The following TMPRSS11A variants were observed in gnomAD, a reference collection of about 807,000 sequenced individuals.
TMPRSS11A encodes the protein transmembrane protease serine 11A.
Under a neutral mutation model 58.9 loss-of-function variants are expected in TMPRSS11A, and 53 were observed. The observed-to-expected ratio is 0.90, with a 90% CI of 0.72 to 1.13. The LOEUF is 1.13. TMPRSS11A is among the 50% of genes most tolerant of loss of function. The pLI, the probability that TMPRSS11A is intolerant of heterozygous loss-of-function variation, is 0.00. For missense variants in TMPRSS11A, 493 were observed against 499.3 expected, an observed-to-expected ratio of 0.99 and a Z score of 0.12; for synonymous variants, 167 against 169.8, an observed-to-expected ratio of 0.98 and a Z score of 0.13.
chr4:67,923,197 C>T (rs1720378304), intron 6 of TMPRSS11A, among the ~76,000 whole-genome samples: 1 of 152,160 alleles, frequency 6.6e-6, no homozygotes, highest in Admixed American at 6.5e-5. Flanking sequence ...TTTCATACTT[C>T]CTGATTTATT....
intron 1 of TMPRSS11A, among the ~76,000 whole-genome samples, chr4:67,959,762 G>C (rs1356786528): frequency 6.6e-6 from 1 of 152,172 alleles, no homozygotes; most frequent in African/African-American, 2.4e-5. Flanking sequence ...AAAGCAGTTT[G>C]GAGATTTCTC....
At chr4:67,911,945 A>C (rs1488886960) in intron 9 of TMPRSS11A, among the ~76,000 whole-genome samples, 1 of 152,134 alleles carries the variant, frequency 6.6e-6, no homozygotes, top group Non-Finnish European at 1.5e-5. Context: ...TTAGGGATTT[A>C]GTTGTTTTAC....
At chr4:67,944,423 C>A in intron 3 of TMPRSS11A, 96 bp downstream of exon 3, 1 of 1,371,636 alleles carries the variant, frequency 7.3e-7, no homozygotes. Context: ...CTAATGTTGG[C>A]GGTCTGAAAA....
At chr4:67,932,875 C>CT (rs1314936994) in intron 3 of TMPRSS11A, among the ~76,000 whole-genome samples, 1 of 152,078 alleles carries the variant, frequency 6.6e-6, no homozygotes, top group African/African-American at 2.4e-5. Flanking sequence ...AAAGCCACTG[C>CT]TTTTAGTCCA....
intron 3 of TMPRSS11A, among the ~76,000 whole-genome samples, chr4:67,938,905 G>A (rs1220308198): frequency 7.2e-6 from 1 of 139,034 alleles, no homozygotes; most frequent in Non-Finnish European, 1.5e-5. Flanking sequence ...TTTTTTTTTT[G>A]TACCATATGA....
intron 8 of TMPRSS11A, among the ~76,000 whole-genome samples, chr4:67,915,730 CAGCA>C (rs1177548093): frequency 6.6e-6 from 1 of 152,152 alleles, no homozygotes; most frequent in Non-Finnish European, 1.5e-5. Context: ...GGAATTCTGC[CAGCA>C]AACCTTGAGG....
chr4:67,951,174 A>C (rs536031613), intron 1 of TMPRSS11A, among the ~76,000 whole-genome samples: 1 of 152,346 alleles, frequency 6.6e-6, no homozygotes, highest in East Asian at 1.9e-4. Flanking sequence ...TTAGACCTTC[A>C]TTCAGTTTGA....
At position 67,929,888 on chromosome 4, in the gene TMPRSS11A, T is replaced by C. The variant is rs1720566360; in HGVS notation, c.473A>G (p.Gln158Arg). The change falls in exon 5 of 10, where the codon CAA becomes CGA. Residue 158 changes from glutamine (Q) to arginine (R), a missense_variant. Physicochemically the swap from Gln to Arg is conservative, Grantham distance 43. Transcript: ENST00000508048. ...RALPINASSVQVNAMSSSTGE... is the reference protein window; with the variant it reads ...RALPINASSVRVNAMSSSTGE... ...GAAGGGGACCTCCTTACCATTAACT[T>C]GAACTGATGAGGCATTTATTGGCAA... 2 of 1,610,506 alleles carry C rather than the reference T, an allele frequency of 1.2e-6. No individual in the cohort carries two copies.
intron 5 of TMPRSS11A, among the ~76,000 whole-genome samples, chr4:67,929,364 C>A (rs916223953): frequency 2.0e-5 from 3 of 152,088 alleles, no homozygotes; most frequent in Non-Finnish European, 4.4e-5. Context: ...GTGATGTTTT[C>A]CTAGACTGTG....
intron 7 of TMPRSS11A, among the ~76,000 whole-genome samples, chr4:67,920,094 G>C (rs1355052936): frequency 6.6e-6 from 1 of 152,134 alleles, no homozygotes; most frequent in Non-Finnish European, 1.5e-5. Context: ...AGTCCTTTGA[G>C]AGATGATCAA....
intron 1 of TMPRSS11A, among the ~76,000 whole-genome samples, chr4:67,960,710 A>G (rs1721401845): frequency 6.6e-6 from 1 of 152,192 alleles, no homozygotes; most frequent in Non-Finnish European, 1.5e-5. Context: ...TATATTAGGA[A>G]TTGCTCATGG....
chr4:67,954,924 CTACA>C, intron 1 of TMPRSS11A, among the ~76,000 whole-genome samples: 1 of 152,214 alleles, frequency 6.6e-6, no homozygotes, highest in African/African-American at 2.4e-5. Flanking sequence ...TAAATGTAAC[CTACA>C]TAGAGTAAAT....
chr4:67,934,235 A>T (rs1720698756), intron 3 of TMPRSS11A, among the ~76,000 whole-genome samples: 1 of 152,212 alleles, frequency 6.6e-6, no homozygotes, highest in African/African-American at 2.4e-5. Context: ...AATGGGGCAG[A>T]GGGACTGGTA....
At chr4:67,950,854 G>A (rs982154195) in intron 1 of TMPRSS11A, among the ~76,000 whole-genome samples, 1 of 152,208 alleles carries the variant, frequency 6.6e-6, no homozygotes, top group Admixed American at 6.5e-5. Flanking sequence ...AATTAAAATA[G>A]GAAGAAAGCT....
intron 9 of TMPRSS11A, 83 bp downstream of exon 9, chr4:67,914,505 T>A (rs1024743851): frequency 3.1e-6 from 4 of 1,297,508 alleles, no homozygotes; most frequent in South Asian, 1.3e-5. Context: ...CTATGTTTTG[T>A]CCTTATGTAA....
At chr4:67,950,757 G>T (rs1721135832) in intron 1 of TMPRSS11A, among the ~76,000 whole-genome samples, 1 of 152,198 alleles carries the variant, frequency 6.6e-6, no homozygotes, top group Non-Finnish European at 1.5e-5. Flanking sequence ...GATGAGAAGG[G>T]AATTTTATGG....
chr4:67,955,511 A>T (rs1378211529), intron 1 of TMPRSS11A, among the ~76,000 whole-genome samples: 3 of 152,206 alleles, frequency 2.0e-5, no homozygotes, highest in Non-Finnish European at 4.4e-5. Context: ...TTGTATTCAA[A>T]TGCCTGTGTC....
At chr4:67,931,662 C>T (rs353176) in intron 4 of TMPRSS11A, among the ~76,000 whole-genome samples, 70,676 of 152,018 alleles carry the variant, frequency 0.46, 17,042 homozygotes, top group African/African-American at 0.58. Context: ...GTGCATGCAA[C>T]GACAAGCTGC....
intron 5 of TMPRSS11A, among the ~76,000 whole-genome samples, chr4:67,925,532 C>G (rs552412924): frequency 6.6e-6 from 1 of 152,162 alleles, no homozygotes; most frequent in Non-Finnish European, 1.5e-5. Context: ...ATGATAAACT[C>G]TACAAAGTGG....
Sources: allele counts gnomAD v4.1 joint callset (sites outside exome capture counted in the v4.1 genomes callset), GRCh38; gene constraint gnomAD v4.1.1; transcripts MANE v1.5; gene names NCBI Gene and HGNC (gene_info 2026-07-23, HGNC 2026-07-21).